Variants in RREB1 observed in about 807,000 individuals in gnomAD.
RREB1 encodes the protein ras responsive element binding protein 1.
A neutral mutation model predicts 117.8 loss-of-function variants in RREB1; 27 were observed. The ratio of observed to expected loss-of-function variants is 0.23; its 90% confidence interval spans 0.17 to 0.32. The LOEUF (loss-of-function observed/expected upper bound fraction) is 0.32. RREB1 is among the 10% of genes least tolerant of loss of function. RREB1 has a pLI of 1.00. For missense variants in RREB1, 2,577 were observed against 2,378.2 expected (o/e 1.08, Z -1.74); for synonymous variants, 1,298 against 1,026.7 (o/e 1.26, Z -5.05).
At chr6:7,134,180 G>A (rs1277194091) in intron 1 of RREB1, among the ~76,000 whole-genome samples, 1 of 152,190 alleles carries the variant, frequency 6.6e-6, no homozygotes, top group Non-Finnish European at 1.5e-5. Flanking sequence ...TAGTTCATCA[G>A]AAATTTATTT....
chr6:7,174,694 C>T (rs1340682547), intron 1 of RREB1, among the ~76,000 whole-genome samples: 5 of 152,116 alleles, frequency 3.3e-5, no homozygotes, highest in African/African-American at 9.7e-5. Context: ...CTGCAACCTC[C>T]GCCTTCCGGG....
At chr6:7,236,508 G>A (rs1041179054) in intron 10 of RREB1, among the ~76,000 whole-genome samples, 8 of 152,252 alleles carry the variant, frequency 5.3e-5, no homozygotes, top group East Asian at 3.9e-4. Context: ...AGCTTTGGCC[G>A]TTTGTACCCA....
intron 2 of RREB1, among the ~76,000 whole-genome samples, chr6:7,177,911 C>T (rs543143260): frequency 5.3e-5 from 8 of 152,182 alleles, no homozygotes; most frequent in South Asian, 4.1e-4. Flanking sequence ...TTAGGGGAGA[C>T]GGGGTTTTGC....
rs1415750727 is a variant in RREB1, at chr6:7,229,813, C to T, written c.1714C>T (p.His572Tyr). 1.2e-6 allele frequency: 2 copies of T among 1,610,092 alleles called. No individual in the cohort carries two copies. Among genetic ancestry groups the T allele is most frequent in the South Asian group, 2.2e-5 (2 of 90,862 alleles). The stretch of plus-strand genomic sequence containing the variant: ...GCAGTCCAAGTCCGGGACCCAGCCC[C>T]ACGCGGCCACGCGGCTCTCCCTGCA... ...LLQSKSGTQP[H>Y]AATRLSLQQP... Residue 572 changes from histidine to tyrosine, a missense_variant, in exon 10 of 13, where the codon CAC (histidine) becomes TAC (tyrosine). Coordinates refer to ENST00000379938, the MANE Select transcript of RREB1 (RefSeq NM_001003699.4). This position sits in a 1 kb window ranked among gnomAD's most constrained non-coding sequence, Gnocchi z 4.5.
intron 1 of RREB1, among the ~76,000 whole-genome samples, chr6:7,116,989 C>A (rs1386408127): frequency 6.6e-6 from 1 of 152,142 alleles, no homozygotes; most frequent in Non-Finnish European, 1.5e-5. Context: ...AGTTTTGTTT[C>A]ATTAGTGGTA....
At chr6:7,177,826 G>A (rs750526377) in intron 2 of RREB1, among the ~76,000 whole-genome samples, 9 of 152,144 alleles carry the variant, frequency 5.9e-5, no homozygotes, top group Non-Finnish European at 1.2e-4. Flanking sequence ...GGGTTCAAGC[G>A]ATTCTCCTAT....
At chr6:7,242,699 A>AG (rs1222808152) in intron 11 of RREB1, among the ~76,000 whole-genome samples, 107 of 79,548 alleles carry the variant, frequency 1.3e-3, no homozygotes, top group Non-Finnish European at 1.6e-3. Context: ...ACTTAAAAAA[A>AG]AGGGGGGGGG....
At chr6:7,211,238 C>T (rs1581543284) in intron 7 of RREB1, among the ~76,000 whole-genome samples, 1 of 126,190 alleles carries the variant, frequency 7.9e-6, no homozygotes, top group South Asian at 2.6e-4. Context: ...ATTCGGGACT[C>T]TTTTGTCCTC....
chr6:7,162,590 G>T (rs1763723680), intron 1 of RREB1, among the ~76,000 whole-genome samples: 1 of 152,108 alleles, frequency 6.6e-6, no homozygotes. Flanking sequence ...TGGAATGTTA[G>T]TAGCCTTAGA....
At chr6:7,116,349 C>T (rs779750286) in intron 1 of RREB1, among the ~76,000 whole-genome samples, 13 of 152,196 alleles carry the variant, frequency 8.5e-5, no homozygotes, top group Non-Finnish European at 1.9e-4. Flanking sequence ...AAATTTTGTA[C>T]TCTTTTTTTC....
chr6:7,123,736 G>T (rs575494992), intron 1 of RREB1, among the ~76,000 whole-genome samples: 1 of 148,346 alleles, frequency 6.7e-6, no homozygotes, highest in Non-Finnish European at 1.5e-5. Flanking sequence ...TCAGCCTCCC[G>T]AGTAGCTGGG....
intron 8 of RREB1, chr6:7,212,557 C>T (rs1766674207): frequency 6.6e-6 from 1 of 152,180 alleles, no homozygotes; most frequent in Admixed American, 6.5e-5. Flanking sequence ...CAAAGAACTA[C>T]TTAGGAACCC....
intron 4 of RREB1, among the ~76,000 whole-genome samples, chr6:7,185,991 G>A (rs1244342657): frequency 6.6e-6 from 1 of 152,224 alleles, no homozygotes; most frequent in East Asian, 1.9e-4. Context: ...AAAAAACCCT[G>A]ATGGTTCTGT....
chr6:7,133,433 T>C (rs1025240262), intron 1 of RREB1, among the ~76,000 whole-genome samples: 15 of 152,050 alleles, frequency 9.9e-5, no homozygotes, highest in African/African-American at 3.4e-4. Context: ...CATCATAAAA[T>C]GTTCTTAGCC....
chr6:7,128,137 AG>A (rs2113342780), intron 1 of RREB1, among the ~76,000 whole-genome samples: 1 of 152,140 alleles, frequency 6.6e-6, no homozygotes, highest in South Asian at 2.1e-4. Flanking sequence ...CTTGGATGGG[AG>A]GGTTGTGCAA....
chr6:7,108,973 G>T (rs573330502), intron 1 of RREB1, among the ~76,000 whole-genome samples: 1 of 151,494 alleles, frequency 6.6e-6, no homozygotes, highest in African/African-American at 2.4e-5. Context: ...CCGTTGGCGG[G>T]GTGAGTGTTT....
rs1581501353 is a variant in RREB1, at chr6:7,181,825, A to C, written c.-42-45A>C. 6 of 1,395,336 alleles carry C rather than the reference A, an allele frequency of 4.3e-6. No individual in the cohort carries two copies. In the East Asian group the frequency reaches 1.4e-4, roughly 32 times the overall value. The allele number at this position is 1,395,336 out of a possible 1,614,324, so 86.4% of individuals were successfully genotyped here. On this transcript the variant is annotated intron_variant, in intron 3 of 12. Transcript: ENST00000379938. ...GCCAGCGCCCCCTGGCAATGACAGA[A>C]GCCTAAACTTCCCCATGATCACATC...
intron 6 of RREB1, among the ~76,000 whole-genome samples, chr6:7,207,756 C>T (rs1242887105): frequency 6.6e-6 from 1 of 152,150 alleles, no homozygotes; most frequent in Non-Finnish European, 1.5e-5. Flanking sequence ...GGGGGCTGTT[C>T]ACTTTTGAAA....
intron 6 of RREB1, among the ~76,000 whole-genome samples, chr6:7,190,197 G>C (rs1765330056): frequency 6.6e-6 from 1 of 152,170 alleles, no homozygotes; most frequent in Non-Finnish European, 1.5e-5. Flanking sequence ...CTGAATTCAA[G>C]TCTCAACTGC....
Sources: allele counts gnomAD v4.1 joint callset (sites outside exome capture counted in the v4.1 genomes callset), GRCh38; gene constraint gnomAD v4.1.1; non-coding constraint Gnocchi (gnomAD v3.1); transcripts MANE v1.5; gene names NCBI Gene and HGNC (gene_info 2026-07-23, HGNC 2026-07-21).